KMO: variants seen among roughly 807,000 people sequenced by gnomAD.
KMO encodes kynurenine 3-monooxygenase, also known as kynurenine 3-hydroxylase.
KMO carries 24 observed loss-of-function variants against 57.8 expected under a neutral mutation model. That is an observed-to-expected ratio of 0.42 (90% CI 0.30 to 0.58). The LOEUF is 0.58. Ranked by LOEUF, KMO falls within the 20% of genes least tolerant of loss-of-function variation. KMO has a pLI of 0.22. For synonymous variants in KMO, 210 were observed against 193.6 expected (o/e 1.08, Z -0.70); for missense variants, 483 against 588.2 (o/e 0.82, Z 1.85).
chr1:241,571,864 C>CTTTTTTTTTT (rs34450394), intron 10 of KMO, among the ~76,000 whole-genome samples: 2 of 96,490 alleles, frequency 2.1e-5, no homozygotes, highest in Non-Finnish European at 4.0e-5. Flanking sequence ...ATATTAGTTC[C>CTTTTTTTTTT]TTTTTTTTTT....
At chr1:241,580,095 C>G (rs1439608152) in intron 10 of KMO, among the ~76,000 whole-genome samples, 1 of 152,170 alleles carries the variant, frequency 6.6e-6, no homozygotes, top group Non-Finnish European at 1.5e-5. Flanking sequence ...GAGGCAGGCT[C>G]TCACCCTCTC....
intron 1 of KMO, among the ~76,000 whole-genome samples, chr1:241,543,139 G>A (rs1222988701): frequency 6.6e-6 from 1 of 151,958 alleles, no homozygotes; most frequent in African/African-American, 2.4e-5. Context: ...ATAACAATAA[G>A]CGGCCATGAA....
At chr1:241,552,055 G>A (rs1661417700) in intron 4 of KMO, among the ~76,000 whole-genome samples, 1 of 152,064 alleles carries the variant, frequency 6.6e-6, no homozygotes, top group Non-Finnish European at 1.5e-5. Flanking sequence ...GACTGAACCA[G>A]TAATGTATCC....
chr1:241,560,398 T>A (rs1158211280), intron 5 of KMO, among the ~76,000 whole-genome samples: 1 of 152,240 alleles, frequency 6.6e-6, no homozygotes, highest in East Asian at 1.9e-4. Flanking sequence ...ATTACAGCAA[T>A]GCAAGAGTTT....
intron 1 of KMO, among the ~76,000 whole-genome samples, chr1:241,538,649 G>T (rs1660834802): frequency 1.3e-5 from 2 of 152,140 alleles, no homozygotes; most frequent in African/African-American, 2.4e-5. Context: ...TATTTCATAG[G>T]CTCTGAGCCT....
chr1:241,556,593 T>A (rs138177096), intron 5 of KMO, among the ~76,000 whole-genome samples: 49 of 152,278 alleles, frequency 3.2e-4, no homozygotes, highest in African/African-American at 7.9e-4. Flanking sequence ...TAGATTTGCC[T>A]TTTGGGCCAG....
At chr1:241,584,576 G>T (rs985460954) in intron 10 of KMO, among the ~76,000 whole-genome samples, 1 of 151,898 alleles carries the variant, frequency 6.6e-6, no homozygotes, top group South Asian at 2.1e-4. Context: ...TACTATTTTG[G>T]CCAGAAAAAG....
intron 10 of KMO, among the ~76,000 whole-genome samples, chr1:241,577,966 C>T (rs113610326): frequency 6.6e-6 from 1 of 152,130 alleles, no homozygotes; most frequent in African/African-American, 2.4e-5. Context: ...ACATCCCTGA[C>T]CCAGTGTTCT....
rs552747295 is a variant in KMO, at chr1:241,536,488, C to T, written c.54+3990C>T. On this transcript the variant is annotated intron_variant, in intron 1 of 14. Coordinates refer to ENST00000366559, the MANE Select transcript of KMO (RefSeq NM_003679.5). ...TGTTTACAGGTATGACGAAAGTGAT[C>T]AGAGCAAAAAGGCACCATTTCAGTG... 16 of 985,094 alleles carry T rather than the reference C, an allele frequency of 1.6e-5. No individual in the cohort carries two copies. The Admixed American group carries it at 6.8e-4, about 42-fold the overall frequency. The allele number at this position is 985,094 out of a possible 1,614,324, so 61.0% of individuals were successfully genotyped here.
intron 11 of KMO, among the ~76,000 whole-genome samples, chr1:241,588,329 C>CTTTTTTTTTTTTTTTTTTTTTT (rs57587351): frequency 3.0e-5 from 3 of 98,388 alleles, no homozygotes; most frequent in African/African-American, 7.7e-5. Flanking sequence ...TCTTTTTTTT[C>CTTTTTTTTTTTTTTTTTTTTTT]TTTTTTTTTT....
intron 10 of KMO, among the ~76,000 whole-genome samples, chr1:241,585,398 T>G (rs1322572205): frequency 6.6e-6 from 1 of 152,118 alleles, no homozygotes; most frequent in East Asian, 1.9e-4. Context: ...TATAATTGAT[T>G]TGACAAATAA....
At chr1:241,564,432 A>G (rs1006102045) in intron 7 of KMO, among the ~76,000 whole-genome samples, 17 of 152,128 alleles carry the variant, frequency 1.1e-4, no homozygotes, top group Admixed American at 5.2e-4. Context: ...CTTCTCTATT[A>G]TTTATGTTAT....
At chr1:241,554,236 TTCCTTCCTTCCTTCC>T (rs1661519186) in intron 4 of KMO, among the ~76,000 whole-genome samples, 2 of 53,030 alleles carry the variant, frequency 3.8e-5, no homozygotes. Flanking sequence ...CTTTCCTTCC[TTCCTTCCTTCCTTCC>T]TTCCTTCCTT....
chr1:241,546,170 G>A (rs1661140436), intron 1 of KMO, among the ~76,000 whole-genome samples: 1 of 152,130 alleles, frequency 6.6e-6, no homozygotes, highest in Non-Finnish European at 1.5e-5. Context: ...CTCCTGGGAT[G>A]TACCTGTTTA....
chr1:241,586,634 T>C (rs760436246), intron 10 of KMO, 45 bp from the exon 11 acceptor site: 2 of 1,293,090 alleles, frequency 1.5e-6, no homozygotes, highest in South Asian at 2.5e-5. Context: ...GGTTTCTTTT[T>C]TATTATTTCT....
At chr1:241,539,517 A>G (rs1240154127) in intron 1 of KMO, among the ~76,000 whole-genome samples, 2 of 152,216 alleles carry the variant, frequency 1.3e-5, no homozygotes, top group African/African-American at 2.4e-5. Flanking sequence ...TAGGCTCTCA[A>G]AAACATCAAA....
chr1:241,572,892 G>T (rs1430655743), intron 10 of KMO, among the ~76,000 whole-genome samples: 1 of 152,044 alleles, frequency 6.6e-6, no homozygotes, highest in South Asian at 2.1e-4. Flanking sequence ...TACAGTATTT[G>T]ATTTTCTATT....
intron 12 of KMO, 45 bp from the exon 13 acceptor site, chr1:241,589,967 G>A (rs961964036): frequency 7.3e-7 from 1 of 1,365,030 alleles, no homozygotes. Context: ...GTGAGAAATA[G>A]CTGTATTTGT....
Position 241,548,088 on chromosome 1 carries a change from A to AACACACAC in KMO, c.55-727_55-720dup, listed in dbSNP as rs60952289. 1.5e-3 allele frequency among the ~76,000 whole-genome samples: 229 copies of AACACACAC among 148,942 alleles called. 2 individuals are homozygous for AACACACAC. The highest frequency in any genetic ancestry group is 4.8e-3 in the African/African-American group (196 of 40,772). ...AGAAGCAAGATGCAAAAACAAACAA[A>AACACACAC]ACACACACACACACACACACAGTGT... On this transcript the variant is annotated intron_variant, in intron 1 of 14. Coordinates refer to ENST00000366559, the MANE Select transcript of KMO (RefSeq NM_003679.5).
Sources: gnomAD v4.1 joint callset for allele counts (sites outside exome capture counted in the v4.1 genomes callset) on GRCh38, gnomAD v4.1.1 for gene constraint, MANE v1.5 for transcripts, NCBI Gene and HGNC (gene_info 2026-07-23, HGNC 2026-07-21) for gene names.